The following VPS33B variants were observed in gnomAD, a reference collection of about 807,000 sequenced individuals.
VPS33B encodes the protein VPS33B late endosome and lysosome associated.
VPS33B carries 80 observed loss-of-function variants against 95.3 expected under a neutral mutation model. The ratio of observed to expected loss-of-function variants is 0.84; its 90% CI spans 0.70 to 1.01. VPS33B has a LOEUF of 1.01. Among genes scored for constraint, VPS33B ranks in the 50% least tolerant of loss-of-function variants. The pLI, the probability that VPS33B is intolerant of heterozygous loss-of-function variation, is 0.00. For synonymous variants in VPS33B, 280 were observed against 280.4 expected, an observed-to-expected ratio of 1.00 and a Z score of 0.01; for missense variants, 715 against 773.4, an observed-to-expected ratio of 0.92 and a Z score of 0.90.
In VPS33B at chr15:91,005,708, C is replaced by T. The variant is rs151136143; in HGVS notation, c.1016G>A (p.Arg339His). The T allele has an allele frequency of 1.5e-5, 24 of 1,614,040 alleles. No homozygotes were observed. The highest frequency in any genetic ancestry group is 2.2e-5 in the South Asian group (2 of 91,090). Residue 339 changes from arginine (R) to histidine (H), a missense_variant, in exon 13 of 23, where the codon CGC becomes CAC. Arg to His is a conservative substitution (Grantham distance 29, BLOSUM62 0). Coordinates refer to ENST00000333371, the MANE Select transcript of VPS33B (RefSeq NM_018668.5). This position sits in a 1 kb window ranked among gnomAD's most constrained non-coding sequence, Gnocchi z 6.4. ...CTGAAACCTACGGAGACTCAGCAGG[C>T]GGTGCTCCTGTTTCAGGCCCTTGAG... ...QELKGLKQEH[R>H]LLSLHIGACE... is the part of the protein sequence containing the mutation.
rs1367843539 is a variant in VPS33B at position 91,000,534 on chromosome 15, A to G, written c.1537T>C (p.Phe513Leu). The change falls in exon 20 of 23, where the codon TTC (phenylalanine) becomes CTC (leucine). Residue 513 changes from phenylalanine to leucine, a missense_variant. Phe to Leu is a conservative substitution (Grantham distance 22). Coordinates refer to ENST00000333371, the MANE Select transcript of VPS33B (RefSeq NM_018668.5). This position sits in a 1 kb window ranked among gnomAD's most constrained non-coding sequence, Gnocchi z 4.9. Reference sequence around the variant, plus strand: ...CTCAGGGGCACATAAGCACCACCGAAGACGTAAGCCATGTCTCGGGGCACT... The same window carrying G: ...CTCAGGGGCACATAAGCACCACCGAGGACGTAAGCCATGTCTCGGGGCACT... ...LKVPRDMAYVFGGAYVPLSCR... is the reference protein window; with the variant it reads ...LKVPRDMAYVLGGAYVPLSCR... The G allele has an allele frequency of 3.1e-6, 5 of 1,613,734 alleles. No individual in the cohort carries two copies. Among genetic ancestry groups the G allele is most frequent in the Non-Finnish European group, 4.2e-6 (5 of 1,179,732 alleles).
chr15:91,002,328 GA>G lies in VPS33B; in HGVS notation c.1273-147del, dbSNP rs1432337721. On this transcript the variant is annotated intron_variant, in intron 17 of 22. Transcript: ENST00000333371. The surrounding 1 kb of genome is among the most constrained non-coding windows in gnomAD (Gnocchi z 4.7). ...TTTGTTGAGATAAATTTTCACATCA[GA>G]AATAACCAAACAGGGCTGGGAGCGG... The G allele has an allele frequency of 1.6e-6, 2 of 1,284,600 alleles. No homozygotes were observed. Among genetic ancestry groups the G allele is most frequent in the Admixed American group, 4.0e-5 (2 of 49,784 alleles). 79.6% of individuals were successfully genotyped at this position (1,284,600 alleles called of 1,614,324 possible).
chr15:91,008,262 A>ATTAT (rs1010207559), intron 6 of VPS33B, among the ~76,000 whole-genome samples: 25 of 152,262 alleles, frequency 1.6e-4, no homozygotes, highest in African/African-American at 4.3e-4. Flanking sequence ...TCATTCATTC[A>ATTAT]TTATTTATTT....
intron 16 of VPS33B, among the ~76,000 whole-genome samples, chr15:91,004,123 C>A (rs1024351231): frequency 6.6e-6 from 1 of 151,532 alleles, no homozygotes; most frequent in African/African-American, 2.4e-5. Flanking sequence ...ACTTGAGAGG[C>A]TGAGGTGAGA....
In VPS33B at chr15:91,006,442, C is replaced by A; in HGVS notation, c.782G>T (p.Ser261Ile). Residue 261 changes from serine (S) to isoleucine (I), a missense_variant, in exon 11 of 23, where the codon AGT becomes ATT. Physicochemically the swap from Ser to Ile is moderately radical, Grantham distance 142 (BLOSUM62 -2). Coordinates refer to ENST00000333371, the MANE Select transcript of VPS33B (RefSeq NM_018668.5). The surrounding 1 kb of genome is among the most constrained non-coding windows in gnomAD (Gnocchi z 5.4). ...TGTGACTTCTGGGCCAAAGTCGACA[C>A]TCCCTTTGAGAGCAGAGGGACAGCT... ...VDDTFRIKCG[S>I]VDFGPEVTSS... 1.9e-6 allele frequency: 3 copies of A among 1,614,234 alleles called. No homozygotes were observed. Among genetic ancestry groups the A allele is most frequent in the Non-Finnish European group, 2.5e-6 (3 of 1,180,054 alleles).
rs2040635410 is a variant in VPS33B, at chr15:91,007,198, GTCTA to G, written c.604-156_604-153del. On this transcript the variant is annotated intron_variant, in intron 8 of 22. Coordinates refer to ENST00000333371, the MANE Select transcript of VPS33B (RefSeq NM_018668.5). This position sits in a 1 kb window ranked among gnomAD's most constrained non-coding sequence, Gnocchi z 5.3. ...TATGGCCCTATCTACTCCCGTCTGTGTCTATCTTTCCCCAACACTCTTCCTACTG... is the reference window on the plus strand; with the variant it reads ...TATGGCCCTATCTACTCCCGTCTGTGTCTTTCCCCAACACTCTTCCTACTG... 1 of 856,166 alleles carries G rather than the reference GTCTA, an allele frequency of 1.2e-6. No homozygotes were observed. Among genetic ancestry groups the G allele is most frequent in the Non-Finnish European group, 1.9e-6 (1 of 523,922 alleles). 53.0% of individuals were successfully genotyped at this position (856,166 alleles called of 1,614,324 possible).
intron 6 of VPS33B, 110 bp from the exon 7 acceptor site, chr15:91,008,074 G>C (rs2040667577): frequency 1.1e-6 from 1 of 949,478 alleles, no homozygotes; most frequent in South Asian, 1.3e-5. Context: ...ATGAGTGCCT[G>C]CCACATGCCA....
rs753348486 is a variant in VPS33B, at chr15:91,001,381, C to A, written c.1479+8G>T. ...ACTGTCTCCCCTAACCATCCCTGTT[C>A]CACATACCAAATTCAGCTTTTTGCT... On this transcript the variant is annotated splice_region_variant and intron_variant, in intron 19 of 22. Transcript: ENST00000333371. 2.0e-5 allele frequency: 33 copies of A among 1,611,292 alleles called. No individual in the cohort carries two copies. The highest frequency in any genetic ancestry group is 2.7e-5 in the Non-Finnish European group (32 of 1,177,704).
chr15:91,000,603 A>G lies in VPS33B; in HGVS notation c.1480-12T>C. On this transcript the variant is annotated splice_polypyrimidine_tract_variant and intron_variant, in intron 19 of 22. Coordinates refer to ENST00000333371, the MANE Select transcript of VPS33B (RefSeq NM_018668.5). This position sits in a 1 kb window ranked among gnomAD's most constrained non-coding sequence, Gnocchi z 4.9. ...TCCACACGTGGGATCTGTAAGACAA[A>G]GGGACTTCATTAGGCAAGTGACAGC... 1 of 1,610,462 alleles carries G rather than the reference A, an allele frequency of 6.2e-7. No homozygotes were observed. Among genetic ancestry groups the G allele is most frequent in the Non-Finnish European group, 8.5e-7 (1 of 1,177,736 alleles).
intron 17 of VPS33B, 70 bp downstream of exon 17, chr15:91,003,015 G>A: frequency 6.5e-7 from 1 of 1,547,196 alleles, no homozygotes; most frequent in Non-Finnish European, 8.9e-7. Context: ...CACTTCTCTT[G>A]CCTCTTTCAA....
In VPS33B at chr15:91,006,745, C is replaced by G. The variant is rs564306478; in HGVS notation, c.701-16G>C. On this transcript the variant is annotated splice_polypyrimidine_tract_variant and intron_variant, in intron 9 of 22. Transcript: ENST00000333371. The surrounding 1 kb of genome is among the most constrained non-coding windows in gnomAD (Gnocchi z 5.4). ...AAGTCCACATCTGAAACAGAGATCC[C>G]TGACCATGAAGGTTCTCCCTGACCC... 40 of 1,614,182 alleles carry G rather than the reference C, an allele frequency of 2.5e-5. No individual in the cohort carries two copies. The South Asian group carries it at 3.8e-4, about 16-fold the overall frequency.
In VPS33B at chr15:91,013,045, G is replaced by T. The variant is rs1300126589; in HGVS notation, c.357+759C>A. Among the ~76,000 whole-genome samples the T allele has an allele frequency of 6.6e-6, 1 of 152,154 alleles. No individual in the cohort carries two copies. Among genetic ancestry groups the T allele is most frequent in the African/African-American group, 2.4e-5 (1 of 41,428 alleles). On this transcript the variant is annotated intron_variant, in intron 5 of 22. Coordinates refer to ENST00000333371, the MANE Select transcript of VPS33B (RefSeq NM_018668.5). This position sits in a 1 kb window ranked among gnomAD's most constrained non-coding sequence, Gnocchi z 4.5. ...AGCATAGCGGATGGGAAGAGGGAGG[G>T]TGATGATTTATCGTATTTATTCTTA...
chr15:91,022,513 G>C lies in VPS33B; in HGVS notation c.-264C>G. The C allele has an allele frequency of 2.8e-6, 1 of 360,002 alleles. No homozygotes were observed. The highest frequency in any genetic ancestry group is 5.0e-6 in the Non-Finnish European group (1 of 198,202). 22.3% of individuals were successfully genotyped at this position (360,002 alleles called of 1,614,324 possible). A position where few individuals can be genotyped will look rare whatever the true frequency, so the allele number is the denominator to read the frequency against. On this transcript the variant is annotated 5_prime_UTR_variant, in exon 1 of 23. Transcript: ENST00000333371. ...CCTCCCTGATCCACTCTGCCCGTCA[G>C]CAGGATTCCGGTCTACACCCCGCAG...
Position 91,013,656 on chromosome 15 carries a change from G to C in VPS33B, c.357+148C>G, listed in dbSNP as rs2151679156. Reference sequence around the variant, plus strand: ...CAGACCATGAGCTAAATAAATTTCTGTTCATTATAAATTACCTAGTCTCAG... The same window carrying C: ...CAGACCATGAGCTAAATAAATTTCTCTTCATTATAAATTACCTAGTCTCAG... On this transcript the variant is annotated intron_variant, in intron 5 of 22. Coordinates refer to ENST00000333371, the MANE Select transcript of VPS33B (RefSeq NM_018668.5). This position sits in a 1 kb window ranked among gnomAD's most constrained non-coding sequence, Gnocchi z 4.5. The C allele has an allele frequency of 1.2e-6, 1 of 863,486 alleles. No individual in the cohort carries two copies. The highest frequency in any genetic ancestry group is 2.5e-5 in the East Asian group (1 of 40,200). 53.5% of individuals were successfully genotyped at this position (863,486 alleles called of 1,614,324 possible). A position where few individuals can be genotyped will look rare whatever the true frequency, so the allele number is the denominator to read the frequency against.
chr15:90,999,660 T>G lies in VPS33B; in HGVS notation c.1774+17A>C. On this transcript the variant is annotated intron_variant, in intron 22 of 22. Transcript: ENST00000333371. The surrounding 1 kb of genome is among the most constrained non-coding windows in gnomAD (Gnocchi z 5.1). ...GATACAATGCAGGCCAATTCTCACC[T>G]TTCTGCTCTCTCTTACCTTTCTCTC... The G allele has an allele frequency of 6.2e-7, 1 of 1,613,318 alleles. No homozygotes were observed.
At chr15:91,003,164 G>A (rs1478708247) in intron 16 of VPS33B, 33 bp from the exon 17 acceptor site, 6 of 1,612,616 alleles carry the variant, frequency 3.7e-6, no homozygotes, top group Non-Finnish European at 5.1e-6. Context: ...AGGTGCATGA[G>A]AAAGAGGCCG....
chr15:91,018,885 G>T lies in VPS33B; in HGVS notation c.97-1000C>A, dbSNP rs1451947510. Among the ~76,000 whole-genome samples the T allele has an allele frequency of 6.6e-6, 1 of 151,426 alleles. No individual in the cohort carries two copies. The highest frequency in any genetic ancestry group is 1.5e-5 in the Non-Finnish European group (1 of 67,852). On this transcript the variant is annotated intron_variant, in intron 1 of 22. Transcript: ENST00000333371. The surrounding 1 kb of genome is among the most constrained non-coding windows in gnomAD (Gnocchi z 4.7). ...GGCTGGAGTGCAGTGGCGTGATCTC[G>T]GCTCACTGCAACCTCCGCCTCCCGG...
rs111745923 is a variant in VPS33B at position 91,013,178 on chromosome 15, C to G, written c.357+626G>C. On this transcript the variant is annotated intron_variant, in intron 5 of 22. Transcript: ENST00000333371. The surrounding 1 kb of genome is among the most constrained non-coding windows in gnomAD (Gnocchi z 4.5). ...CAGGTTCTACCTCGCAAGCGTGAAG[C>G]TTTTCATTTAAAAAAATCTACGTAG... is the stretch of plus-strand genomic sequence containing the variant. Among the ~76,000 whole-genome samples the G allele has an allele frequency of 0.013, 2,025 of 152,262 alleles. 50 individuals carry two copies. The highest frequency in any genetic ancestry group is 0.045 in the African/African-American group (1,849 of 41,542).
intron 18 of VPS33B, among the ~76,000 whole-genome samples, chr15:91,001,672 A>G (rs1026366081): frequency 6.6e-6 from 1 of 152,030 alleles, no homozygotes; most frequent in African/African-American, 2.4e-5. Flanking sequence ...CCAGCTCTCT[A>G]CTAAATGCAA....
Sources: allele counts gnomAD v4.1 joint callset (sites outside exome capture counted in the v4.1 genomes callset), GRCh38; gene constraint gnomAD v4.1.1; non-coding constraint Gnocchi (gnomAD v3.1); transcripts MANE v1.5; gene names NCBI Gene and HGNC (gene_info 2026-07-23, HGNC 2026-07-21).